Variants in PARD3 observed in about 807,000 individuals in gnomAD.
PARD3 encodes the protein partitioning defective 3 homolog.
A neutral mutation model predicts 155.4 loss-of-function variants in PARD3; 75 were observed. That is an observed-to-expected ratio of 0.48 (90% CI 0.40 to 0.58). The LOEUF is 0.58. Among genes scored for constraint, PARD3 ranks in the 20% least tolerant of loss-of-function variants. The pLI, the probability that PARD3 is intolerant of heterozygous loss-of-function variation, is 0.00. For missense variants in PARD3, 1,642 were observed against 1,721.7 expected (o/e 0.95, Z 0.82); for synonymous variants, 576 against 610.5 (o/e 0.94, Z 0.83).
At chr10:34,783,275 T>A (rs1204983860) in intron 1 of PARD3, among the ~76,000 whole-genome samples, 1 of 152,296 alleles carries the variant, frequency 6.6e-6, no homozygotes, top group East Asian at 1.9e-4. Flanking sequence ...TTATTTGGAA[T>A]AGTTTTGCCT....
chr10:34,418,392 T>C (rs1845874239), intron 5 of PARD3, among the ~76,000 whole-genome samples: 1 of 152,106 alleles, frequency 6.6e-6, no homozygotes, highest in Non-Finnish European at 1.5e-5. Context: ...CAGACTAGTC[T>C]TGAACTCCTA....
intron 22 of PARD3, among the ~76,000 whole-genome samples, chr10:34,164,845 G>A (rs372366941): frequency 6.1e-4 from 93 of 152,264 alleles, no homozygotes; most frequent in African/African-American, 1.9e-3. Flanking sequence ...TTTTGGGGAT[G>A]AGCGAAAACA....
chr10:34,189,345 A>C (rs1427778457), intron 22 of PARD3, among the ~76,000 whole-genome samples: 1 of 152,094 alleles, frequency 6.6e-6, no homozygotes, highest in East Asian at 1.9e-4. Flanking sequence ...AATAAAAATA[A>C]ATTTTAAAAA....
At chr10:34,328,887 T>A (rs908040666) in intron 19 of PARD3, among the ~76,000 whole-genome samples, 3 of 152,192 alleles carry the variant, frequency 2.0e-5, no homozygotes, top group East Asian at 1.9e-4. Flanking sequence ...TTCAGAAGAC[T>A]GGTATGCAAA....
intron 2 of PARD3, among the ~76,000 whole-genome samples, chr10:34,600,614 C>T (rs2089681038): frequency 1.3e-5 from 2 of 152,084 alleles, no homozygotes; most frequent in Admixed American, 1.3e-4. Flanking sequence ...GATACAGGCA[C>T]TAAGGAACAG....
chr10:34,492,981 T>C (rs1409995993), intron 3 of PARD3, among the ~76,000 whole-genome samples: 23 of 152,174 alleles, frequency 1.5e-4, no homozygotes, highest in Admixed American at 1.5e-3. Context: ...AGAACGAAAG[T>C]GTTTACCATT....
chr10:34,430,644 T>C (rs1403725459), intron 5 of PARD3, among the ~76,000 whole-genome samples: 2 of 152,146 alleles, frequency 1.3e-5, no homozygotes, highest in Non-Finnish European at 2.9e-5. Flanking sequence ...TAGGAAACAA[T>C]CAATATTGCC....
intron 2 of PARD3, among the ~76,000 whole-genome samples, chr10:34,605,577 T>C (rs1325470241): frequency 2.4e-5 from 1 of 42,224 alleles, no homozygotes; most frequent in Non-Finnish European, 3.7e-5. Flanking sequence ...TATATATATC[T>C]CCTATATATA....
At chr10:34,265,376 G>T (rs575478462) in intron 22 of PARD3, among the ~76,000 whole-genome samples, 2 of 152,100 alleles carry the variant, frequency 1.3e-5, no homozygotes, top group East Asian at 3.8e-4. Context: ...TCCATGTGGG[G>T]CTACCAGATC....
At chr10:34,477,700 G>A (rs1021461060) in intron 3 of PARD3, among the ~76,000 whole-genome samples, 5 of 152,110 alleles carry the variant, frequency 3.3e-5, no homozygotes, top group Non-Finnish European at 7.4e-5. Context: ...TCTTCAAGTC[G>A]TTTTTCAACT....
intron 2 of PARD3, among the ~76,000 whole-genome samples, chr10:34,574,504 C>A (rs1196673010): frequency 1.3e-5 from 2 of 152,210 alleles, no homozygotes; most frequent in Non-Finnish European, 2.9e-5. Flanking sequence ...GAATCAAAGA[C>A]ATATGCAAAA....
intron 1 of PARD3, among the ~76,000 whole-genome samples, chr10:34,806,633 C>A (rs1209927307): frequency 1.3e-5 from 2 of 152,316 alleles, no homozygotes; most frequent in South Asian, 4.1e-4. Context: ...ACCCAGCCAA[C>A]CCTAAGCAAA....
At chr10:34,594,141 A>C (rs1283869305) in intron 2 of PARD3, among the ~76,000 whole-genome samples, 1 of 152,166 alleles carries the variant, frequency 6.6e-6, no homozygotes, top group African/African-American at 2.4e-5. Context: ...TTATTACTGT[A>C]ATAGTCAATC....
At chr10:34,696,685 G>A (rs2094178405) in intron 1 of PARD3, among the ~76,000 whole-genome samples, 1 of 150,354 alleles carries the variant, frequency 6.7e-6, no homozygotes, top group Admixed American at 6.7e-5. Flanking sequence ...CCTGCAATAT[G>A]TACTGCATAA....
rs377155874 is a variant in PARD3 at position 34,687,565 on chromosome 10, C to T, written c.222+8753G>A. Among the ~76,000 whole-genome samples the T allele has an allele frequency of 8.0e-4, 122 of 152,282 alleles. 1 individual carries two copies. The highest frequency in any genetic ancestry group is 2.9e-3 in the African/African-American group (120 of 41,570). On this transcript the variant is annotated intron_variant, in intron 2 of 24. Coordinates refer to ENST00000374788, the MANE Select transcript of PARD3 (RefSeq NM_001184785.2). ...GTTTACACAGCCATTCCATCCAAGACTTCCTCCACAAAGGGCAAGAAACAG... is the reference window on the plus strand; with the variant it reads ...GTTTACACAGCCATTCCATCCAAGATTTCCTCCACAAAGGGCAAGAAACAG...
intron 11 of PARD3, among the ~76,000 whole-genome samples, chr10:34,372,772 C>A (rs1459341686): frequency 1.3e-5 from 2 of 152,066 alleles, no homozygotes; most frequent in East Asian, 3.8e-4. Flanking sequence ...CTTGCTCATT[C>A]ACAGTACATC....
chr10:34,573,736 AAC>A (rs60211169), intron 2 of PARD3, among the ~76,000 whole-genome samples: 37 of 39,594 alleles, frequency 9.3e-4, no homozygotes, highest in East Asian at 1.7e-3. Flanking sequence ...AACAAACAAA[AAC>A]ACACACACAC....
chr10:34,269,965 C>T (rs1955534253), intron 21 of PARD3, 66 bp from the exon 22 acceptor site: 9 of 1,445,592 alleles, frequency 6.2e-6, no homozygotes, highest in Non-Finnish European at 8.6e-6. Context: ...CATATAGAAA[C>T]ATTCATCAAA....
At position 34,401,878 on chromosome 10, in the gene PARD3, G is replaced by C; in HGVS notation, c.754C>G (p.Pro252Ala). ...GTEEDNSRVE[P>A]VGHADTGLEH... ...AAACCCGTGTCAGCATGTCCAACAG[G>C]TTCAACACGACTGTTATCCTCTTCT... The change falls in exon 6 of 25, where the codon CCT becomes GCT. Residue 252 changes from proline (P) to alanine (A), a missense_variant. By Grantham distance (27) the Pro-to-Ala change is conservative (BLOSUM62 -1). Transcript: ENST00000374788. The C allele has an allele frequency of 6.2e-7, 1 of 1,613,612 alleles. No homozygotes were observed. The highest frequency in any genetic ancestry group is 1.1e-5 in the South Asian group (1 of 91,076).
Sources: gnomAD v4.1 joint callset for allele counts (sites outside exome capture counted in the v4.1 genomes callset) on GRCh38, gnomAD v4.1.1 for gene constraint, MANE v1.5 for transcripts, NCBI Gene and HGNC (gene_info 2026-07-23, HGNC 2026-07-21) for gene names.